CNTN4: variants seen among roughly 807,000 people sequenced by gnomAD.
The protein encoded by CNTN4 is contactin 4.
In CNTN4, 77 loss-of-function variants were observed where a neutral mutation model predicts 122.5. The ratio of observed to expected loss-of-function variants is 0.63; its 90% confidence interval spans 0.52 to 0.76. CNTN4 has a LOEUF of 0.76. Among genes scored for constraint, CNTN4 ranks in the 30% least tolerant of loss-of-function variants. The pLI is 0.00. For synonymous variants in CNTN4, 512 were observed against 447.0 expected (o/e 1.15, Z -1.83); for missense variants, 1,256 against 1,259.1 (o/e 1.00, Z 0.04).
chr3:2,709,175 A>T lies in CNTN4; in HGVS notation c.56-27040A>T, dbSNP rs760842704. Among the ~76,000 whole-genome samples the T allele has an allele frequency of 9.2e-5, 14 of 152,232 alleles. No individual in the cohort carries two copies. The highest frequency in any genetic ancestry group is 2.0e-4 in the Admixed American group (3 of 15,282). ...AAAATCCAGCAAAAATGCATATTGCATTTACAACAGACAAAACCAAATTTT... is the reference window on the plus strand; with the variant it reads ...AAAATCCAGCAAAAATGCATATTGCTTTTACAACAGACAAAACCAAATTTT... On this transcript the variant is annotated intron_variant, in intron 4 of 24. Coordinates refer to ENST00000418658, the MANE Select transcript of CNTN4 (RefSeq NM_175607.3). The surrounding 1 kb of genome is among the most constrained non-coding windows in gnomAD (Gnocchi z 5.0).
At chr3:2,989,898 T>C (rs1470282661) in intron 14 of CNTN4, among the ~76,000 whole-genome samples, 1 of 152,216 alleles carries the variant, frequency 6.6e-6, no homozygotes, top group East Asian at 1.9e-4. Context: ...AGAGCTGGGA[T>C]CTGTTATAGA....
chr3:2,906,467 A>G (rs940173551), intron 12 of CNTN4, among the ~76,000 whole-genome samples: 7 of 149,048 alleles, frequency 4.7e-5, no homozygotes, highest in Admixed American at 2.0e-4. Context: ...CTGTCAATCT[A>G]AAAAGTAAAA....
chr3:2,200,282 AAG>A (rs2038038024), intron 2 of CNTN4, among the ~76,000 whole-genome samples: 2 of 152,266 alleles, frequency 1.3e-5, no homozygotes, highest in African/African-American at 4.8e-5. Flanking sequence ...GAAGTTAAGT[AAG>A]GGGAGAAATC....
chr3:2,888,484 A>T (rs1444284223), intron 10 of CNTN4, among the ~76,000 whole-genome samples: 1 of 152,014 alleles, frequency 6.6e-6, no homozygotes, highest in Non-Finnish European at 1.5e-5. Context: ...GAGGGGTTTC[A>T]TGTCCTCTGG....
At chr3:2,665,749 C>G (rs2084122746) in intron 4 of CNTN4, among the ~76,000 whole-genome samples, 1 of 152,012 alleles carries the variant, frequency 6.6e-6, no homozygotes, top group East Asian at 1.9e-4. Flanking sequence ...CACAGTGGGG[C>G]AAAATGGAAT....
chr3:3,026,211 T>C lies in CNTN4; in HGVS notation c.1596T>C (p.Thr532=), dbSNP rs1364591296. 6.2e-7 allele frequency: 1 copy of C among 1,613,598 alleles called. No individual in the cohort carries two copies. Among genetic ancestry groups the C allele is most frequent in the Non-Finnish European group, 8.5e-7 (1 of 1,179,586 alleles). ...ATCACTCGCTAGACATCGTGTTTAC[T>C]TGGTCATTTAATGGACACCTGATAG... ...THDHSLDIVF[T]WSFNGHLIDF... Residue 532 remains threonine, a synonymous_variant, in exon 15 of 25, where the codon ACT becomes ACC. Coordinates refer to ENST00000418658, the MANE Select transcript of CNTN4 (RefSeq NM_175607.3).
chr3:2,522,223 C>G lies in CNTN4; in HGVS notation c.-88-49193C>G, dbSNP rs184109572. Among the ~76,000 whole-genome samples the G allele has an allele frequency of 2.7e-5, 4 of 149,934 alleles. No homozygotes were observed. In the Admixed American group the frequency reaches 2.7e-4, roughly 10 times the overall value. ...TAATATGAAAGATATTACATTACTA[C>G]CAGTACAATATGCTTTACTTCCATA... On this transcript the variant is annotated intron_variant, in intron 3 of 24. Coordinates refer to ENST00000418658, the MANE Select transcript of CNTN4 (RefSeq NM_175607.3).
At chr3:2,611,399 G>A (rs2081485802) in intron 4 of CNTN4, among the ~76,000 whole-genome samples, 1 of 151,880 alleles carries the variant, frequency 6.6e-6, no homozygotes, top group African/African-American at 2.4e-5. Flanking sequence ...GATAGCCATG[G>A]GACAGAGGGA....
intron 3 of CNTN4, among the ~76,000 whole-genome samples, chr3:2,382,728 A>T (rs960672519): frequency 1.3e-5 from 2 of 152,210 alleles, no homozygotes; most frequent in Admixed American, 1.3e-4. Context: ...ACTGAGCTGT[A>T]AAGTACAGGA....
chr3:2,188,741 G>A (rs753138769), intron 2 of CNTN4, among the ~76,000 whole-genome samples: 2 of 152,104 alleles, frequency 1.3e-5, no homozygotes, highest in African/African-American at 2.4e-5. Flanking sequence ...CCTTGGGGTG[G>A]GAAACAGGTT....
intron 2 of CNTN4, among the ~76,000 whole-genome samples, chr3:2,160,244 G>C (rs565093133): frequency 3.3e-5 from 5 of 152,176 alleles, no homozygotes; most frequent in African/African-American, 1.2e-4. Flanking sequence ...CAGGTTGGCG[G>C]TCACCTGGAC....
chr3:2,848,715 G>A (rs1347387094), intron 7 of CNTN4, among the ~76,000 whole-genome samples: 1 of 152,186 alleles, frequency 6.6e-6, no homozygotes, highest in East Asian at 1.9e-4. Flanking sequence ...TAACTCAGCG[G>A]GAAGGAGAAA....
intron 13 of CNTN4, chr3:2,927,235 T>G (rs564539743): frequency 3.6e-5 from 16 of 446,654 alleles, no homozygotes; most frequent in African/African-American, 3.2e-4. Context: ...GCTATGCTAC[T>G]GTAACAAGCA....
At chr3:2,422,946 G>C (rs182538642) in intron 3 of CNTN4, among the ~76,000 whole-genome samples, 1 of 152,138 alleles carries the variant, frequency 6.6e-6, no homozygotes. Flanking sequence ...GTCTAGTGCC[G>C]AATTTGAATT....
chr3:2,605,497 C>G (rs2081220196), intron 4 of CNTN4, among the ~76,000 whole-genome samples: 1 of 152,078 alleles, frequency 6.6e-6, no homozygotes. Context: ...TTGATATGAT[C>G]TAAATTTTCT....
intron 3 of CNTN4, among the ~76,000 whole-genome samples, chr3:2,436,813 A>C: frequency 6.7e-6 from 1 of 149,686 alleles, no homozygotes; most frequent in Non-Finnish European, 1.5e-5. Flanking sequence ...ATATATATGA[A>C]ATATATGTAT....
chr3:2,472,734 T>G (rs1370363808), intron 3 of CNTN4, among the ~76,000 whole-genome samples: 1 of 152,122 alleles, frequency 6.6e-6, no homozygotes, highest in East Asian at 1.9e-4. Context: ...AAATGCAAGA[T>G]TTCTCCCAGA....
At chr3:2,368,015 CA>C (rs1408337634) in intron 3 of CNTN4, among the ~76,000 whole-genome samples, 1 of 148,192 alleles carries the variant, frequency 6.7e-6, no homozygotes, top group Non-Finnish European at 1.5e-5. Context: ...TATCCAAATA[CA>C]GCTAGAAAAC....
In CNTN4 at chr3:2,575,985, C is replaced by T. The variant is rs185638075; in HGVS notation, c.55+4427C>T. Reference sequence around the variant, plus strand: ...AAGTAGCTGGGACTACAGGCACATGCCACCATGCCTGGCTAATTTTTTTGT... The same window carrying T: ...AAGTAGCTGGGACTACAGGCACATGTCACCATGCCTGGCTAATTTTTTTGT... On this transcript the variant is annotated intron_variant, in intron 4 of 24. Coordinates refer to ENST00000418658, the MANE Select transcript of CNTN4 (RefSeq NM_175607.3). Among the ~76,000 whole-genome samples the T allele has an allele frequency of 3.1e-3, 473 of 152,030 alleles. 1 individual carries two copies. The highest frequency in any genetic ancestry group is 5.7e-3 in the Admixed American group (87 of 15,278).
Sources: gnomAD v4.1 joint callset for allele counts (sites outside exome capture counted in the v4.1 genomes callset) on GRCh38, gnomAD v4.1.1 for gene constraint, Gnocchi (gnomAD v3.1) non-coding constraint, MANE v1.5 for transcripts, NCBI Gene and HGNC (gene_info 2026-07-23, HGNC 2026-07-21) for gene names.